Variants in PITPNM1 observed in about 807,000 individuals in gnomAD.
The protein encoded by PITPNM1 is phosphatidylinositol transfer protein membrane associated 1.
Under a neutral mutation model 133.3 loss-of-function variants are expected in PITPNM1, and 74 were observed. The observed-to-expected ratio is 0.56, with a 90% CI of 0.46 to 0.67. PITPNM1 has a LOEUF of 0.67. Ranked by LOEUF, PITPNM1 falls within the 30% of genes least tolerant of loss-of-function variation. PITPNM1 has a pLI of 0.00. For synonymous variants in PITPNM1, 738 were observed against 741.4 expected, an observed-to-expected ratio of 1.00 and a Z score of 0.08; for missense variants, 1,398 against 1,739.5, an observed-to-expected ratio of 0.80 and a Z score of 3.49.
Position 67,502,130 on chromosome 11 carries a change from G to A in PITPNM1, c.416-44C>T, listed in dbSNP as rs1355219187. 1.9e-6 allele frequency: 3 copies of A among 1,583,426 alleles called. No homozygotes were observed. The highest frequency in any genetic ancestry group is 2.6e-6 in the Non-Finnish European group (3 of 1,159,948). ...CATTGAGCAGCGCCAGCCCCTTTGA[G>A]CCCCCGCTCCTGGCACCCTCTTGGG... On this transcript the variant is annotated intron_variant, in intron 4 of 23. Coordinates refer to ENST00000356404, the MANE Select transcript of PITPNM1 (RefSeq NM_004910.3). The surrounding 1 kb of genome is among the most constrained non-coding windows in gnomAD (Gnocchi z 5.9).
rs916589990 is a variant in PITPNM1, at chr11:67,497,861, C to G, written c.1782+56G>C. The G allele has an allele frequency of 3.9e-6, 6 of 1,549,196 alleles. No individual in the cohort carries two copies. The African/African-American group carries it at 8.2e-5, about 21-fold the overall frequency. On this transcript the variant is annotated intron_variant, in intron 12 of 23. Transcript: ENST00000356404. ...GGGTGGCATTCCAGGGGGCAGAGAC[C>G]TAGAGCCAGAGAGGGCCTTTCCGCT... is the stretch of plus-strand genomic sequence containing the variant.
rs1866074049 is a variant in PITPNM1, at chr11:67,495,101, G to A, written c.2607C>T (p.Asp869=). Residue 869 remains aspartate (D), a synonymous_variant, in exon 17 of 24, where the codon GAC becomes GAT. Coordinates refer to ENST00000356404, the MANE Select transcript of PITPNM1 (RefSeq NM_004910.3). ...CCTGGCGCAGGATGAACGCCACCAC[G>A]TCGGCGGACTCCCAGTAGCTGGCGT... ...LFHASYWESA[D]VVAFILRQVI... The A allele has an allele frequency of 1.9e-6, 3 of 1,612,716 alleles. No homozygotes were observed. The highest frequency in any genetic ancestry group is 2.5e-6 in the Non-Finnish European group (3 of 1,179,874).
Position 67,498,848 on chromosome 11 carries a change from T to TG in PITPNM1, c.1234-3dup. 1 of 1,609,370 alleles carries TG rather than the reference T, an allele frequency of 6.2e-7. No homozygotes were observed. Among genetic ancestry groups the TG allele is most frequent in the Admixed American group, 1.7e-5 (1 of 59,970 alleles). On this transcript the variant is annotated splice_region_variant and splice_polypyrimidine_tract_variant and intron_variant, in intron 9 of 23. Transcript: ENST00000356404. This position sits in a 1 kb window ranked among gnomAD's most constrained non-coding sequence, Gnocchi z 5.7. ...CAGCTCCCCGGCTCCATCCAGGCCC[T>TG]GGGGGGAACAATGGGGTGCAGTGGG...
At position 67,493,682 on chromosome 11, in the gene PITPNM1, T is replaced by G. The variant is rs1013033831; in HGVS notation, c.3158+6A>C. 1 of 1,545,750 alleles carries G rather than the reference T, an allele frequency of 6.5e-7. No individual in the cohort carries two copies. Among genetic ancestry groups the G allele is most frequent in the Non-Finnish European group, 8.7e-7 (1 of 1,146,886 alleles). ...AATGGGTGGTGGTGGCAGTGGCAAC[T>G]CCTACCTGACCACGTCCACGGCGCC... is the stretch of plus-strand genomic sequence containing the variant. On this transcript the variant is annotated splice_donor_region_variant and intron_variant, in intron 21 of 23. Transcript: ENST00000356404.
In PITPNM1 at chr11:67,498,194, C is replaced by A; in HGVS notation, c.1613G>T (p.Arg538Leu). Residue 538 changes from arginine to leucine, a missense_variant, in exon 11 of 24, where the codon CGC becomes CTC. Coordinates refer to ENST00000356404, the MANE Select transcript of PITPNM1 (RefSeq NM_004910.3). The surrounding 1 kb of genome is among the most constrained non-coding windows in gnomAD (Gnocchi z 5.7). ...GAAGGCTGAGTAGGCCTGGTTGGTGCGGGCAATGACGGTGGCCACGGCGCC... is the reference window on the plus strand; with the variant it reads ...GAAGGCTGAGTAGGCCTGGTTGGTGAGGGCAATGACGGTGGCCACGGCGCC... ...YQGAVATVIA[R>L]TNQAYSAFLR... 1.2e-6 allele frequency: 2 copies of A among 1,613,104 alleles called. No homozygotes were observed. The highest frequency in any genetic ancestry group is 1.7e-6 in the Non-Finnish European group (2 of 1,179,892).
Position 67,492,094 on chromosome 11 carries a change from G to C in PITPNM1, c.3674C>G (p.Pro1225Arg). 1 of 1,612,472 alleles carries C rather than the reference G, an allele frequency of 6.2e-7. No homozygotes were observed. Among genetic ancestry groups the C allele is most frequent in the African/African-American group, 1.3e-5 (1 of 75,064 alleles). ...TGCTTTGCCCCGTGCCAGGGTGGTG[G>C]GTGGTGTTCCCGGGCCCTCACGCTC... ...QAEREGPGTP[P>R]TTLARGKARS... The change falls in exon 24 of 24, where the codon CCC becomes CGC. Residue 1225 changes from proline (P) to arginine (R), a missense_variant. Transcript: ENST00000356404.
Position 67,495,472 on chromosome 11 carries a change from T to C in PITPNM1, c.2448A>G (p.Pro816=). ...SELATDPPAQ[P]AAPSTTSEVV... is the part of the protein sequence containing the mutation. ...CCTCACTGGTGGTGCTGGGGGCGGC[T>C]GGCTGGGCCGGGGGGTCAGTGGCCA... The change falls in exon 16 of 24, where the codon CCA becomes CCG. Residue 816 remains proline, a synonymous_variant. Coordinates refer to ENST00000356404, the MANE Select transcript of PITPNM1 (RefSeq NM_004910.3). The C allele has an allele frequency of 3.2e-6, 5 of 1,551,606 alleles. No individual in the cohort carries two copies. Among genetic ancestry groups the C allele is most frequent in the Non-Finnish European group, 4.4e-6 (5 of 1,148,964 alleles).
In PITPNM1 at chr11:67,497,898, C is replaced by T. The variant is rs763165016; in HGVS notation, c.1782+19G>A. 2.2e-5 allele frequency: 35 copies of T among 1,605,590 alleles called. No individual in the cohort carries two copies. Among genetic ancestry groups the T allele is most frequent in the East Asian group, 4.5e-5 (2 of 44,840 alleles). ...AGGGCCTTTCCGCTCCTGAGGAGGC[C>T]GGGTTTGGCTATACTGACCATGCTC... On this transcript the variant is annotated intron_variant, in intron 12 of 23. Transcript: ENST00000356404.
Position 67,499,769 on chromosome 11 carries a change from G to A in PITPNM1, c.1125C>T (p.Asp375=). The A allele has an allele frequency of 6.6e-7, 1 of 1,525,502 alleles. No individual in the cohort carries two copies. The highest frequency in any genetic ancestry group is 8.8e-7 in the Non-Finnish European group (1 of 1,133,244). The allele number at this position is 1,525,502 out of a possible 1,614,324, so 94.5% of individuals were successfully genotyped here. ...PKEMTKWNSN[D]FIDAFASPVE... is the part of the protein sequence containing the mutation. The stretch of plus-strand genomic sequence containing the variant: ...CTGGGGAGGCAAAGGCATCAATGAA[G>A]TCATTGGAGTTCCACTTGGTCATCT... Residue 375 remains aspartate, a synonymous_variant, in exon 8 of 24, where the codon GAC becomes GAT. Transcript: ENST00000356404.
At position 67,491,817 on chromosome 11, in the gene PITPNM1, C is replaced by G. The variant is rs1450219798; in HGVS notation, c.*216G>C. ...CATGGATTTATACACACTGGAAAAGCCTCTGCGCCCATGCCCACGCCCTCC... is the reference window on the plus strand; with the variant it reads ...CATGGATTTATACACACTGGAAAAGGCTCTGCGCCCATGCCCACGCCCTCC... On this transcript the variant is annotated 3_prime_UTR_variant, in exon 24 of 24. Coordinates refer to ENST00000356404, the MANE Select transcript of PITPNM1 (RefSeq NM_004910.3). The G allele has an allele frequency of 1.7e-6, 1 of 590,070 alleles. No homozygotes were observed. Among genetic ancestry groups the G allele is most frequent in the Non-Finnish European group, 3.0e-6 (1 of 333,696 alleles). 36.6% of individuals were successfully genotyped at this position (590,070 alleles called of 1,614,324 possible). A position where few individuals can be genotyped will look rare whatever the true frequency, so the allele number is the denominator to read the frequency against.
rs749028764 is a variant in PITPNM1 at position 67,502,541 on chromosome 11, C to G, written c.256G>C (p.Glu86Gln). The change falls in exon 3 of 24, where the codon GAG (glutamate) becomes CAG (glutamine). Residue 86 changes from glutamate to glutamine, a missense_variant. This residue lies in a region of PITPNM1 where 274 missense variants were observed against 360.7 expected (regional missense o/e 0.76). Coordinates refer to ENST00000356404, the MANE Select transcript of PITPNM1 (RefSeq NM_004910.3). The surrounding 1 kb of genome is among the most constrained non-coding windows in gnomAD (Gnocchi z 5.9). ...LLPKAALQVE[E>Q]ESWNAYPYTR... ...TAGGGGTAGGCATTCCAGGATTCCT[C>G]TTCTACCTGCAGGGCAGCCTTGGGC... 6.2e-7 allele frequency: 1 copy of G among 1,613,788 alleles called. No homozygotes were observed. Among genetic ancestry groups the G allele is most frequent in the South Asian group, 1.1e-5 (1 of 91,092 alleles).
rs777175085 is a variant in PITPNM1, at chr11:67,497,563, G to A, written c.1899C>T (p.Pro633=). ...CGGGCTCAGGACTGGCCATGTCGCT[G>A]GGGATGCGCTGGGGAGGCAAGGCCG... The part of the protein sequence containing the change: ...EPSALPPQRI[P]SDMASPEPEG... The change falls in exon 13 of 24, where the codon CCC becomes CCT. Residue 633 remains proline, a synonymous_variant. Coordinates refer to ENST00000356404, the MANE Select transcript of PITPNM1 (RefSeq NM_004910.3). The A allele has an allele frequency of 1.2e-6, 2 of 1,609,260 alleles. No homozygotes were observed. The highest frequency in any genetic ancestry group is 2.7e-5 in the African/African-American group (2 of 74,658).
rs368125948 is a variant in PITPNM1 at position 67,499,736 on chromosome 11, T to G, written c.1158A>C (p.Ala386=). 1 of 1,505,434 alleles carries G rather than the reference T, an allele frequency of 6.6e-7. No homozygotes were observed. The highest frequency in any genetic ancestry group is 8.9e-7 in the Non-Finnish European group (1 of 1,124,260). 93.3% of individuals were successfully genotyped at this position (1,505,434 alleles called of 1,614,324 possible). ...CGGTATCTTTACCTGGCGTTCCCTC[T>G]GCCTCCACTGGGGAGGCAAAGGCAT... ...FIDAFASPVE[A]EGTPEPGAEA... The change falls in exon 8 of 24, where the codon GCA becomes GCC. Residue 386 remains alanine (A), a synonymous_variant. Transcript: ENST00000356404.
chr11:67,501,899 G>A lies in PITPNM1; in HGVS notation c.603C>T (p.Gly201=). ...TGAACTGCTCGATCTTGGCTTGCAT[G>A]CCCCAGTAGCGGAACTCAACCTTGC... ...KLCKVEFRYW[G]MQAKIEQFIH... is the part of the protein sequence containing the mutation. The change falls in exon 5 of 24, where the codon GGC becomes GGT. Residue 201 remains glycine (G), a synonymous_variant. Transcript: ENST00000356404. 6.2e-7 allele frequency: 1 copy of A among 1,613,636 alleles called. No homozygotes were observed. The highest frequency in any genetic ancestry group is 1.1e-5 in the South Asian group (1 of 91,084).
chr11:67,493,712 C>G lies in PITPNM1; in HGVS notation c.3134G>C (p.Arg1045Pro). 1 of 1,547,352 alleles carries G rather than the reference C, an allele frequency of 6.5e-7. No homozygotes were observed. Among genetic ancestry groups the G allele is most frequent in the Non-Finnish European group, 8.7e-7 (1 of 1,146,992 alleles). ...VSIMGSDPKVRAGAVDVVRHW... is the reference protein window; with the variant it reads ...VSIMGSDPKVPAGAVDVVRHW... Reference sequence around the variant, plus strand: ...CCTGACCACGTCCACGGCGCCAGCTCGCACCTTGGGGTCGCTGCCCATGAT... The same window carrying G: ...CCTGACCACGTCCACGGCGCCAGCTGGCACCTTGGGGTCGCTGCCCATGAT... The change falls in exon 21 of 24, where the codon CGA becomes CCA. Residue 1045 changes from arginine (R) to proline (P), a missense_variant. Around this residue, in one of 5 missense-constraint regions of PITPNM1, gnomAD observed 233 missense variants for 378.0 expected, o/e 0.62. Coordinates refer to ENST00000356404, the MANE Select transcript of PITPNM1 (RefSeq NM_004910.3).
chr11:67,498,016 C>T lies in PITPNM1; in HGVS notation c.1683G>A (p.Leu561=). The change falls in exon 12 of 24, where the codon CTG becomes CTA. Residue 561 remains leucine, a synonymous_variant. Coordinates refer to ENST00000356404, the MANE Select transcript of PITPNM1 (RefSeq NM_004910.3). The surrounding 1 kb of genome is among the most constrained non-coding windows in gnomAD (Gnocchi z 5.7). ...GGATGCCACCAACACCATCTCCAAT[C>T]AGTGCGACCTGGGTGGGAGCAGGGG... is the stretch of plus-strand genomic sequence containing the variant. ...EGAGFCGQVA[L]IGDGVGGILG... 1.3e-5 allele frequency: 21 copies of T among 1,610,342 alleles called. No individual in the cohort carries two copies. The highest frequency in any genetic ancestry group is 1.8e-5 in the Non-Finnish European group (21 of 1,179,936).
chr11:67,493,274 C>CATA, intron 22 of PITPNM1, 136 bp downstream of exon 22: 1 of 1,119,782 alleles, frequency 8.9e-7, no homozygotes, highest in Non-Finnish European at 1.3e-6. Context: ...GGAGCAGGAC[C>CATA]GTAGCGGGCC....
chr11:67,504,010 C>G lies in PITPNM1; in HGVS notation c.78+93G>C. ...GAAGGGGGGCCTCTCTTGCCTCCTCCGGGCTCCCAGCCGGTCCCAGCCCCG... is the reference window on the plus strand; with the variant it reads ...GAAGGGGGGCCTCTCTTGCCTCCTCGGGGCTCCCAGCCGGTCCCAGCCCCG... On this transcript the variant is annotated intron_variant, in intron 2 of 23. Coordinates refer to ENST00000356404, the MANE Select transcript of PITPNM1 (RefSeq NM_004910.3). The surrounding 1 kb of genome is among the most constrained non-coding windows in gnomAD (Gnocchi z 5.4). The G allele has an allele frequency of 1.1e-6, 1 of 950,636 alleles. No individual in the cohort carries two copies. The highest frequency in any genetic ancestry group is 1.6e-6 in the Non-Finnish European group (1 of 644,694). The allele number at this position is 950,636 out of a possible 1,614,324, so 58.9% of individuals were successfully genotyped here. A position where few individuals can be genotyped will look rare whatever the true frequency, so the allele number is the denominator to read the frequency against.
chr11:67,503,756 G>C (rs1193943133), intron 2 of PITPNM1: 16 of 223,846 alleles, frequency 7.1e-5, no homozygotes. Context: ...CTGACCTCCA[G>C]GGATGGCCAG....
Sources: allele counts gnomAD v4.1 joint callset, GRCh38; gene constraint gnomAD v4.1.1; regional missense constraint gnomAD v4.1.1; non-coding constraint Gnocchi (gnomAD v3.1); transcripts MANE v1.5; gene names NCBI Gene and HGNC (gene_info 2026-07-23, HGNC 2026-07-21).